SP100: variants seen among roughly 807,000 people sequenced by gnomAD.
The protein encoded by SP100 is SP100 nuclear body protein.
A neutral mutation model predicts 130.0 loss-of-function variants in SP100; 84 were observed. The observed-to-expected ratio is 0.65, with a 90% CI of 0.54 to 0.77. The LOEUF is 0.77. Among genes scored for constraint, SP100 ranks in the 30% least tolerant of loss-of-function variants. The probability of loss-of-function intolerance (pLI) is 0.00; values close to 1 mark genes in which losing one functional copy is unlikely to be tolerated. For synonymous variants in SP100, 331 were observed against 351.7 expected (o/e 0.94, Z 0.66); for missense variants, 978 against 1,052.2 (o/e 0.93, Z 0.97).
At chr2:230,504,608 C>T (rs1461099744) in intron 21 of SP100, among the ~76,000 whole-genome samples, 7 of 152,186 alleles carry the variant, frequency 4.6e-5, no homozygotes, top group Non-Finnish European at 1.0e-4. Flanking sequence ...TGTGACAACA[C>T]ATGTAAAATG....
chr2:230,425,834 G>A (rs574245413), intron 2 of SP100, among the ~76,000 whole-genome samples: 2 of 151,928 alleles, frequency 1.3e-5, no homozygotes, highest in South Asian at 4.2e-4. Context: ...AGAAGGATTG[G>A]TATTAGTTTC....
chr2:230,517,364 A>T (rs1027941413), intron 24 of SP100, among the ~76,000 whole-genome samples: 2 of 152,246 alleles, frequency 1.3e-5, no homozygotes, highest in African/African-American at 4.8e-5. Context: ...CTTCAAAAGC[A>T]ATACAGAAAG....
intron 24 of SP100, among the ~76,000 whole-genome samples, chr2:230,532,869 C>T (rs1249865316): frequency 6.6e-6 from 1 of 152,202 alleles, no homozygotes; most frequent in African/African-American, 2.4e-5. Context: ...CAACCTCTGC[C>T]TCCTGGGTTC....
At chr2:230,486,005 A>T (rs2066065540) in intron 17 of SP100, among the ~76,000 whole-genome samples, 1 of 152,198 alleles carries the variant, frequency 6.6e-6, no homozygotes, top group African/African-American at 2.4e-5. Flanking sequence ...TACCTAGCTG[A>T]GACTATCTGT....
At chr2:230,493,971 G>A (rs929948284) in intron 17 of SP100, 1 of 172,002 alleles carries the variant, frequency 5.8e-6, no homozygotes, top group Admixed American at 6.5e-5. Flanking sequence ...TGATCAGGCT[G>A]GTCTCAAACT....
chr2:230,443,316 A>C (rs2063545279), intron 3 of SP100, among the ~76,000 whole-genome samples: 1 of 152,216 alleles, frequency 6.6e-6, no homozygotes, highest in Non-Finnish European at 1.5e-5. Flanking sequence ...AGCCGAGGAA[A>C]TGGTGTTCCA....
At chr2:230,476,938 T>C (rs1323894719) in intron 17 of SP100, among the ~76,000 whole-genome samples, 1 of 151,850 alleles carries the variant, frequency 6.6e-6, no homozygotes, top group African/African-American at 2.4e-5. Flanking sequence ...TGATCTCGGC[T>C]TACTGCAAGC....
chr2:230,458,236 A>G (rs1047805121), intron 8 of SP100, among the ~76,000 whole-genome samples: 4 of 152,258 alleles, frequency 2.6e-5, no homozygotes, highest in African/African-American at 9.6e-5. Context: ...CATATTTTCC[A>G]TACGTATTAT....
intron 11 of SP100, 71 bp downstream of exon 11, chr2:230,464,221 G>A: frequency 1.0e-6 from 1 of 962,342 alleles, no homozygotes; most frequent in Non-Finnish European, 1.7e-6. Context: ...CTGTTTTCTT[G>A]ATTAATTTCA....
intron 2 of SP100, among the ~76,000 whole-genome samples, chr2:230,434,494 AT>A (rs1330888824): frequency 6.6e-6 from 1 of 152,228 alleles, no homozygotes; most frequent in Non-Finnish European, 1.5e-5. Flanking sequence ...CTCTGCCCTC[AT>A]GGCATATATA....
At chr2:230,435,118 C>G (rs898557142) in intron 2 of SP100, among the ~76,000 whole-genome samples, 10 of 152,210 alleles carry the variant, frequency 6.6e-5, no homozygotes, top group Non-Finnish European at 1.5e-4. Context: ...GTAATTCATG[C>G]TTACACCAGG....
chr2:230,519,051 A>C (rs1691050041), intron 24 of SP100, among the ~76,000 whole-genome samples: 1 of 152,218 alleles, frequency 6.6e-6, no homozygotes, highest in Non-Finnish European at 1.5e-5. Context: ...GTGCCTTTCA[A>C]AATGGTACAA....
Position 230,504,195 on chromosome 2 carries a change from T to C in SP100, c.1775T>C (p.Ile592Thr), listed in dbSNP as rs750344143. 4.6e-5 allele frequency: 74 copies of C among 1,607,044 alleles called. No individual in the cohort carries two copies. In the East Asian group the frequency reaches 1.5e-3, roughly 33 times the overall value. The change falls in exon 21 of 29, where the codon ATT becomes ACT. Residue 592 changes from isoleucine (I) to threonine (T), a missense_variant. Physicochemically the swap from Ile to Thr is moderately conservative, Grantham distance 89 (BLOSUM62 -1). Coordinates refer to ENST00000340126, the MANE Select transcript of SP100 (RefSeq NM_001080391.2). ...LKRRRKRGPR[I>T]PKDENINFKQ... Reference sequence around the variant, plus strand: ...AAATGCTTCCTTGCAGGTCCAAGAATTCCCAAAGATGAAAATATTAATTTT... The same window carrying C: ...AAATGCTTCCTTGCAGGTCCAAGAACTCCCAAAGATGAAAATATTAATTTT...
chr2:230,504,309 C>A lies in SP100; in HGVS notation c.1870+19C>A, dbSNP rs767084206. 7.2e-7 allele frequency: 1 copy of A among 1,390,792 alleles called. No homozygotes were observed. The highest frequency in any genetic ancestry group is 1.0e-6 in the Non-Finnish European group (1 of 982,322). The allele number at this position is 1,390,792 out of a possible 1,614,324, so 86.2% of individuals were successfully genotyped here. A position where few individuals can be genotyped will look rare whatever the true frequency, so the allele number is the denominator to read the frequency against. ...AAACAAGGTGAGTTTACTGGTCCAT[C>A]TACGATTTTCAGCTGGAAAATATCC... On this transcript the variant is annotated intron_variant, in intron 21 of 28. Coordinates refer to ENST00000340126, the MANE Select transcript of SP100 (RefSeq NM_001080391.2).
chr2:230,438,625 T>G (rs2063366341), intron 2 of SP100, among the ~76,000 whole-genome samples: 1 of 143,434 alleles, frequency 7.0e-6, no homozygotes, highest in African/African-American at 2.7e-5. Context: ...TATGGCTGAG[T>G]AGTACTCCAT....
intron 2 of SP100, among the ~76,000 whole-genome samples, chr2:230,430,245 G>A (rs2063056783): frequency 6.6e-6 from 1 of 152,200 alleles, no homozygotes; most frequent in Non-Finnish European, 1.5e-5. Context: ...GGTTGGGTAA[G>A]GCCACTGCTG....
At chr2:230,423,713 T>C (rs569578105) in intron 2 of SP100, among the ~76,000 whole-genome samples, 41 of 152,358 alleles carry the variant, frequency 2.7e-4, no homozygotes, top group Admixed American at 1.9e-3. Flanking sequence ...GTGTTTTCAT[T>C]GGATTTTATT....
chr2:230,480,944 C>G (rs1474063874), intron 17 of SP100, among the ~76,000 whole-genome samples: 1 of 151,920 alleles, frequency 6.6e-6, no homozygotes, highest in African/African-American at 2.4e-5. Flanking sequence ...TTCTGGAACA[C>G]CCCAATCTCC....
At chr2:230,491,479 G>A (rs1195603393) in intron 17 of SP100, among the ~76,000 whole-genome samples, 1 of 152,184 alleles carries the variant, frequency 6.6e-6, no homozygotes, top group Admixed American at 6.5e-5. Context: ...GGGCTGTGAG[G>A]GACACATCTT....
Sources: gnomAD v4.1 joint callset for allele counts (sites outside exome capture counted in the v4.1 genomes callset) on GRCh38, gnomAD v4.1.1 for gene constraint, MANE v1.5 for transcripts, NCBI Gene and HGNC (gene_info 2026-07-23, HGNC 2026-07-21) for gene names.